NBPF12: variants seen among roughly 807,000 people sequenced by gnomAD.
The protein encoded by NBPF12 is NBPF family member NBPF12.
NBPF12 carries 115 observed loss-of-function variants against 146.4 expected under a neutral mutation model. The ratio of observed to expected loss-of-function variants is 0.79; its 90% CI spans 0.68 to 0.92. The LOEUF (loss-of-function observed/expected upper bound fraction) is 0.92, where lower values mean the gene tolerates loss of function less well. NBPF12 is among the 40% of genes least tolerant of loss of function. NBPF12 has a pLI of 0.00. For synonymous variants in NBPF12, 385 were observed against 508.9 expected (o/e 0.76, Z 3.28); for missense variants, 1,205 against 1,326.8 (o/e 0.91, Z 1.43).
exon 14 of NBPF12, chr1:146,972,859 G>A (rs1553886801): frequency 2.7e-5 from 34 of 1,237,162 alleles, no homozygotes; most frequent in Non-Finnish European, 3.7e-5. Context: ...GAGAAGTTGC[G>A]CCCCCAGCTG....
chr1:146,965,794 A>AAAAAAAAAG (rs1656159196), intron 8 of NBPF12, among the ~76,000 whole-genome samples: 1 of 98,240 alleles, frequency 1.0e-5, no homozygotes, highest in Non-Finnish European at 2.0e-5. Context: ...TGCATCTCAA[A>AAAAAAAAAG]AAAAAAAAAA....
chr1:146,969,215 A>T (rs1656417688), intron 10 of NBPF12, among the ~76,000 whole-genome samples, 167 bp from the exon 14 acceptor site: 2 of 151,144 alleles, frequency 1.3e-5, no homozygotes, highest in African/African-American at 4.9e-5. Flanking sequence ...GAAGCCTGTA[A>T]ACCATTTTCT....
chr1:146,966,796 A>G, intron 9 of NBPF12, 123 bp downstream of exon 12: 1 of 704,368 alleles, frequency 1.4e-6, no homozygotes, highest in South Asian at 1.5e-5. Context: ...GAAAACAGAA[A>G]TGGGTATTTT....
chr1:146,965,118 T>G lies in NBPF12; in HGVS notation c.778+14T>G. ...ACATTCTCCCAGGTAGCCTCTATTT[T>G]CCTTGTGTCTCATACCTCTGTCTAG... On this transcript the variant is annotated intron_variant, in intron 8 of 33. Transcript: ENST00000617844. The G allele has an allele frequency of 7.1e-7, 1 of 1,406,386 alleles. No individual in the cohort carries two copies. The highest frequency in any genetic ancestry group is 1.0e-6 in the Non-Finnish European group (1 of 994,026). The allele number at this position is 1,406,386 out of a possible 1,614,324, so 87.1% of individuals were successfully genotyped here. A position where few individuals can be genotyped will look rare whatever the true frequency, so the allele number is the denominator to read the frequency against.
chr1:146,969,332 G>C, intron 10 of NBPF12, 50 bp from the exon 14 acceptor site: 1 of 726,266 alleles, frequency 1.4e-6, no homozygotes, highest in Non-Finnish European at 2.4e-6. Flanking sequence ...TATTTGAACG[G>C]ATCACTCAAC....
chr1:146,994,673 C>T (rs1173000793), exon 34 of NBPF12: 116 of 1,558,664 alleles, frequency 7.4e-5, no homozygotes, highest in Non-Finnish European at 9.8e-5. Flanking sequence ...GAAGCCCAGA[C>T]ATAGGATGGG....
intron 1 of NBPF12, among the ~76,000 whole-genome samples, chr1:146,939,604 G>T (rs1654704143): frequency 6.6e-6 from 1 of 151,974 alleles, no homozygotes; most frequent in African/African-American, 2.4e-5. Context: ...ATTTTTCTGT[G>T]CCTGTCTGTC....
intron 30 of NBPF12, among the ~76,000 whole-genome samples, 155 bp downstream of exon 33, chr1:146,991,440 G>T (rs61805286): frequency 0.18 from 24,823 of 138,886 alleles, 104 homozygotes; most frequent in South Asian, 0.31. Flanking sequence ...TGTAGTCTCA[G>T]CTGGAAGCCT....
intron 10 of NBPF12, 123 bp downstream of exon 13, chr1:146,968,673 G>T (rs1570853861): frequency 2.4e-6 from 2 of 845,804 alleles, no homozygotes; most frequent in East Asian, 4.8e-5. Flanking sequence ...GCCATGGCAG[G>T]CTCGCTACAC....
exon 1 of NBPF12, chr1:146,938,963 G>A (rs1654652728): frequency 4.6e-5 from 7 of 152,222 alleles, no homozygotes; most frequent in Admixed American, 4.6e-4. Flanking sequence ...TTACTGCGAA[G>A]TCCACCCAGC....
chr1:146,969,556 G>A lies in NBPF12; in HGVS notation c.1266G>A (p.Gly422=), dbSNP rs1343646079. Residue 422 remains glycine, a synonymous_variant, in exon 11 of 34, where the codon GGG becomes GGA. Transcript: ENST00000617844. ...ACCTCCAAGAACAGCTGGCTGAGGGGTGTAGACTGGCACAGCACCTTGTCC... is the reference window on the plus strand; with the variant it reads ...ACCTCCAAGAACAGCTGGCTGAGGGATGTAGACTGGCACAGCACCTTGTCC... The A allele has an allele frequency of 1.1e-3, 1,828 of 1,605,540 alleles. 48 individuals are homozygous for A. In the African/African-American group the frequency reaches 0.02, roughly 18 times the overall value.
intron 16 of NBPF12, among the ~76,000 whole-genome samples, chr1:146,976,357 C>T (rs1488886668): frequency 7.2e-6 from 1 of 139,000 alleles, no homozygotes; most frequent in Non-Finnish European, 1.5e-5. Flanking sequence ...GGAACACTTA[C>T]AACTGCTTTC....
At chr1:146,962,386 G>C (rs1655907722) in intron 5 of NBPF12, 123 bp downstream of exon 8, 1 of 770,022 alleles carries the variant, frequency 1.3e-6, no homozygotes, top group South Asian at 1.5e-5. Context: ...GCCATGGCAG[G>C]CTCATGACAC....
upstream of NBPF12, among the ~76,000 whole-genome samples, chr1:146,945,369 G>A (rs1655005220): frequency 6.6e-6 from 1 of 150,972 alleles, no homozygotes; most frequent in East Asian, 2.0e-4. Flanking sequence ...TCATCACCAA[G>A]TTCTGCCCAC....
intron 20 of NBPF12, among the ~76,000 whole-genome samples, chr1:146,983,559 A>C (rs1570887230): frequency 1.1e-5 from 1 of 91,842 alleles, no homozygotes; most frequent in Non-Finnish European, 2.1e-5. Flanking sequence ...GTTTCACTGA[A>C]TTTATCCCCA....
intron 7 of NBPF12, 74 bp downstream of exon 10, chr1:146,964,503 C>G: frequency 6.3e-7 from 1 of 1,590,472 alleles, no homozygotes. Flanking sequence ...CCCTCTCTGG[C>G]ATCTATGGTG....
intron 6 of NBPF12, among the ~76,000 whole-genome samples, chr1:146,964,087 A>C (rs1305551374): frequency 7.3e-6 from 1 of 137,716 alleles, no homozygotes; most frequent in Non-Finnish European, 1.5e-5. Flanking sequence ...GCCAAAGTCC[A>C]GAGAGAGGCT....
chr1:146,971,942 G>C lies in NBPF12; in HGVS notation c.1591+548G>C, dbSNP rs1308071448. Among the ~76,000 whole-genome samples the C allele has an allele frequency of 2.2e-4, 32 of 143,408 alleles. 2 individuals are homozygous for C. The highest frequency in any genetic ancestry group is 8.0e-4 in the African/African-American group (30 of 37,380). The allele number at this position is 143,408 out of a possible 152,430, so 94.1% of individuals were successfully genotyped here. A position where few individuals can be genotyped will look rare whatever the true frequency, so the allele number is the denominator to read the frequency against. On this transcript the variant is annotated intron_variant, in intron 13 of 33. Transcript: ENST00000617844. ...AAAATACAAAAAAAAAAAAAAATTA[G>C]CTGGGCGCGGTGTTGGGTGCCTGTA...
chr1:146,972,103 A>C (rs1458671921), intron 13 of NBPF12, among the ~76,000 whole-genome samples: 1 of 148,270 alleles, frequency 6.7e-6, no homozygotes, highest in East Asian at 2.0e-4. Context: ...AAAAAAAAAA[A>C]GTAAGTCTCT....
Sources: gnomAD v4.1 joint callset for allele counts (sites outside exome capture counted in the v4.1 genomes callset) on GRCh38, gnomAD v4.1.1 for gene constraint, MANE v1.5 for transcripts, NCBI Gene and HGNC (gene_info 2026-07-23, HGNC 2026-07-21) for gene names.